The following EHBP1 variants were observed in gnomAD, a reference collection of about 807,000 sequenced individuals.
EHBP1 encodes the protein EH domain-binding protein 1.
In EHBP1, 55 loss-of-function variants were observed where a neutral mutation model predicts 144.0. That is an observed-to-expected ratio of 0.38 (90% CI 0.31 to 0.48). EHBP1 has a LOEUF of 0.48. EHBP1 is among the 20% of genes least tolerant of loss of function. The pLI, the probability that EHBP1 is intolerant of heterozygous loss-of-function variation, is 0.98. For missense variants in EHBP1, 1,200 were observed against 1,364.2 expected (o/e 0.88, Z 1.90); for synonymous variants, 469 against 472.7 (o/e 0.99, Z 0.10).
At chr2:62,771,237 C>G (rs1047411092) in intron 4 of EHBP1, 102 bp from the exon 5 acceptor site, 2 of 675,636 alleles carry the variant, frequency 3.0e-6, no homozygotes, top group East Asian at 5.9e-5. Flanking sequence ...TTTTTAAAAG[C>G]TAGTAAAAGC....
chr2:62,804,397 T>C (rs776766813), intron 5 of EHBP1, among the ~76,000 whole-genome samples: 12 of 152,192 alleles, frequency 7.9e-5, no homozygotes, highest in Non-Finnish European at 1.5e-4. Context: ...TGGGACTATT[T>C]GGGAAAAAAT....
chr2:62,697,295 A>C (rs1450399215), intron 1 of EHBP1, among the ~76,000 whole-genome samples: 3 of 152,266 alleles, frequency 2.0e-5, no homozygotes, highest in Admixed American at 1.3e-4. Context: ...TTTTAAAAAC[A>C]TAAATTGTAA....
At chr2:62,924,214 GTAAC>G (rs2055321445) in intron 10 of EHBP1, among the ~76,000 whole-genome samples, 1 of 152,178 alleles carries the variant, frequency 6.6e-6, no homozygotes, top group Non-Finnish European at 1.5e-5. Context: ...CCCAGCCAAA[GTAAC>G]CTATGGCCAC....
At chr2:62,759,231 G>A (rs909585824) in intron 3 of EHBP1, among the ~76,000 whole-genome samples, 3 of 152,276 alleles carry the variant, frequency 2.0e-5, no homozygotes, top group African/African-American at 7.2e-5. Context: ...GCCATTAGCT[G>A]TACTAGGATA....
intron 10 of EHBP1, among the ~76,000 whole-genome samples, chr2:62,918,203 GT>G (rs952813222): frequency 1.3e-5 from 2 of 151,434 alleles, no homozygotes; most frequent in East Asian, 1.9e-4. Flanking sequence ...GGCCTATTGT[GT>G]TTTTTTTCAC....
chr2:62,751,457 T>G (rs1353622586), intron 3 of EHBP1, among the ~76,000 whole-genome samples: 3 of 152,196 alleles, frequency 2.0e-5, no homozygotes, highest in Non-Finnish European at 4.4e-5. Flanking sequence ...TTTTTTGCTG[T>G]GTCTGTGCCA....
At chr2:62,928,869 A>C (rs1387805310) in intron 10 of EHBP1, among the ~76,000 whole-genome samples, 1 of 151,486 alleles carries the variant, frequency 6.6e-6, no homozygotes, top group African/African-American at 2.4e-5. Context: ...GAAAAGGCTC[A>C]CTTTAGTAAA....
intron 1 of EHBP1, among the ~76,000 whole-genome samples, chr2:62,677,470 A>G (rs896684876): frequency 2.6e-5 from 4 of 152,174 alleles, no homozygotes; most frequent in African/African-American, 9.7e-5. Flanking sequence ...CCACCGCCTC[A>G]AGCATTTATC....
At chr2:62,757,433 T>C (rs896639340) in intron 3 of EHBP1, among the ~76,000 whole-genome samples, 7 of 144,866 alleles carry the variant, frequency 4.8e-5, no homozygotes, top group East Asian at 2.0e-4. Flanking sequence ...TTTCTTTTTT[T>C]TTTTTTTTTT....
At chr2:62,907,584 C>T (rs1335994638) in intron 10 of EHBP1, among the ~76,000 whole-genome samples, 2 of 152,080 alleles carry the variant, frequency 1.3e-5, no homozygotes, top group East Asian at 1.9e-4. Context: ...AGAAAGGAAG[C>T]CAGCATTCTC....
intron 10 of EHBP1, among the ~76,000 whole-genome samples, chr2:62,885,827 T>C (rs949647182): frequency 3.9e-5 from 6 of 152,200 alleles, no homozygotes; most frequent in South Asian, 2.1e-4. Flanking sequence ...AAGATCTTGA[T>C]TGGCAGAGCT....
chr2:62,746,104 A>C (rs2039123335), intron 2 of EHBP1, among the ~76,000 whole-genome samples: 1 of 152,064 alleles, frequency 6.6e-6, no homozygotes, highest in African/African-American at 2.4e-5. Flanking sequence ...ATGTTTTCAA[A>C]TGAGGTAGCT....
intron 20 of EHBP1, among the ~76,000 whole-genome samples, chr2:63,038,267 G>A (rs1044604614): frequency 6.6e-6 from 1 of 152,020 alleles, no homozygotes; most frequent in Non-Finnish European, 1.5e-5. Flanking sequence ...TAGTGAAAAA[G>A]TCTAATTTTA....
intron 10 of EHBP1, among the ~76,000 whole-genome samples, chr2:62,915,699 G>A (rs1030480412): frequency 7.1e-6 from 1 of 140,702 alleles, no homozygotes; most frequent in African/African-American, 2.6e-5. Context: ...GAAAATAAAT[G>A]TTTAAGGATT....
In EHBP1 at chr2:62,859,269, A is replaced by T. The variant is rs1199248050; in HGVS notation, c.735A>T (p.Pro245=). 1 of 1,606,744 alleles carries T rather than the reference A, an allele frequency of 6.2e-7. No homozygotes were observed. The highest frequency in any genetic ancestry group is 1.7e-5 in the Admixed American group (1 of 59,856). ...ATCCTGATGCTGCAGAATTAAATCC[A>T]TTTGGAGATCCTGACTCAGAAGGTA... ...FDDPDAAELN[P]FGDPDSEEPI... is the part of the protein sequence containing the mutation. The change falls in exon 8 of 23, where the codon CCA becomes CCT. Residue 245 remains proline (P), a synonymous_variant. Transcript: ENST00000431489.
chr2:62,915,866 A>G (rs1170970121), intron 10 of EHBP1, among the ~76,000 whole-genome samples: 1 of 152,194 alleles, frequency 6.6e-6, no homozygotes, highest in African/African-American at 2.4e-5. Flanking sequence ...TCATTCAGAC[A>G]CCATACACAA....
chr2:62,774,300 G>C (rs2041900854), intron 5 of EHBP1, among the ~76,000 whole-genome samples: 1 of 151,780 alleles, frequency 6.6e-6, no homozygotes, highest in South Asian at 2.1e-4. Context: ...AAACCTGGGA[G>C]GCAGAGGTTG....
chr2:62,788,464 CT>C (rs775843442), intron 5 of EHBP1, among the ~76,000 whole-genome samples: 29 of 151,620 alleles, frequency 1.9e-4, no homozygotes, highest in Non-Finnish European at 5.9e-5. Context: ...ATGTTATGGA[CT>C]TTTCCTGTGT....
At chr2:62,805,500 T>C (rs1262553113) in intron 5 of EHBP1, among the ~76,000 whole-genome samples, 3 of 151,262 alleles carry the variant, frequency 2.0e-5, no homozygotes, top group Non-Finnish European at 2.9e-5. Flanking sequence ...TGAACCTGCA[T>C]TACTTGTGTC....
Sources: gnomAD v4.1 joint callset for allele counts (sites outside exome capture counted in the v4.1 genomes callset) on GRCh38, gnomAD v4.1.1 for gene constraint, MANE v1.5 for transcripts, NCBI Gene and HGNC (gene_info 2026-07-23, HGNC 2026-07-21) for gene names.